PDE3A: variants seen among roughly 807,000 people sequenced by gnomAD.
PDE3A encodes the protein cGMP-inhibited 3',5'-cyclic phosphodiesterase 3A.
PDE3A carries 43 observed loss-of-function variants against 98.3 expected under a neutral mutation model. The ratio of observed to expected loss-of-function variants is 0.44; its 90% confidence interval spans 0.34 to 0.56. The LOEUF (loss-of-function observed/expected upper bound fraction) is 0.56. PDE3A is among the 20% of genes least tolerant of loss of function. The pLI, the probability that PDE3A is intolerant of heterozygous loss-of-function variation, is 0.01. For synonymous variants in PDE3A, 663 were observed against 567.9 expected (o/e 1.17, Z -2.38); for missense variants, 1,427 against 1,440.7 (o/e 0.99, Z 0.15).
At chr12:20,390,690 C>A (rs184617071) in intron 1 of PDE3A, among the ~76,000 whole-genome samples, 54 of 151,930 alleles carry the variant, frequency 3.6e-4, no homozygotes, top group African/African-American at 1.2e-3. Flanking sequence ...GTTACTTTTG[C>A]AACCTCATGT....
At position 20,626,126 on chromosome 12, in the gene PDE3A, A is replaced by G. The variant is rs1005522906; in HGVS notation, c.1541-3782A>G. 1.3e-5 allele frequency among the ~76,000 whole-genome samples: 2 copies of G among 151,790 alleles called. 1 individual carries two copies. Among genetic ancestry groups the G allele is most frequent in the African/African-American group, 4.9e-5 (2 of 41,122 alleles). On this transcript the variant is annotated intron_variant, in intron 5 of 15. Transcript: ENST00000359062. ...CTTTAGACATGATTACATTGAAAGCATTTTAGAAAATTTTAAAAACTTCCA... is the reference window on the plus strand; with the variant it reads ...CTTTAGACATGATTACATTGAAAGCGTTTTAGAAAATTTTAAAAACTTCCA...
intron 1 of PDE3A, among the ~76,000 whole-genome samples, chr12:20,521,508 G>A (rs1946427050): frequency 6.6e-6 from 1 of 152,094 alleles, no homozygotes; most frequent in African/African-American, 2.4e-5. Flanking sequence ...GATTGGTAAT[G>A]CCCAGATTTC....
At chr12:20,409,538 G>A (rs1944295999) in intron 1 of PDE3A, among the ~76,000 whole-genome samples, 2 of 152,154 alleles carry the variant, frequency 1.3e-5, no homozygotes, top group Admixed American at 1.3e-4. Flanking sequence ...GAAGAAAGTA[G>A]TTGTCTTTGC....
At chr12:20,604,771 T>G (rs1943672068) in intron 2 of PDE3A, among the ~76,000 whole-genome samples, 1 of 152,156 alleles carries the variant, frequency 6.6e-6, no homozygotes, top group Non-Finnish European at 1.5e-5. Flanking sequence ...GTATGCAGGT[T>G]TTTGCACATC....
intron 2 of PDE3A, among the ~76,000 whole-genome samples, chr12:20,583,031 G>T (rs1342321903): frequency 6.6e-6 from 1 of 151,952 alleles, no homozygotes; most frequent in Non-Finnish European, 1.5e-5. Flanking sequence ...TCCCCCAATT[G>T]TCTGATGTCT....
At chr12:20,606,882 T>G (rs1173065123) in intron 2 of PDE3A, among the ~76,000 whole-genome samples, 1 of 151,520 alleles carries the variant, frequency 6.6e-6, no homozygotes, top group Non-Finnish European at 1.5e-5. Context: ...TAAAACAAAT[T>G]TTCTGTAATT....
chr12:20,368,695 T>C lies in PDE3A; in HGVS notation c.-590T>C, dbSNP rs1294721395. The stretch of plus-strand genomic sequence containing the variant: ...CCCCAGGGAATGGCGATTCGCGTCC[T>C]GGGGCCGTGCCGGGGAGAATCGGCC... On this transcript the variant is annotated 5_prime_UTR_variant, in exon 1 of 16. Coordinates refer to ENST00000359062, the MANE Select transcript of PDE3A (RefSeq NM_000921.5). Among the ~76,000 whole-genome samples, 2 of 151,984 alleles carry C rather than the reference T, an allele frequency of 1.3e-5. No homozygotes were observed. Among genetic ancestry groups the C allele is most frequent in the East Asian group, 3.9e-4 (2 of 5,124 alleles).
intron 1 of PDE3A, among the ~76,000 whole-genome samples, chr12:20,379,142 T>C (rs1264245494): frequency 6.6e-6 from 1 of 151,874 alleles, no homozygotes; most frequent in African/African-American, 2.4e-5. Context: ...TAATGGAAGT[T>C]TGAAGTCATA....
intron 2 of PDE3A, among the ~76,000 whole-genome samples, chr12:20,590,131 A>G (rs1943301488): frequency 1.3e-5 from 2 of 152,046 alleles, no homozygotes; most frequent in Admixed American, 1.3e-4. Context: ...TACTCTTACT[A>G]TCCCGTGCTC....
chr12:20,445,432 T>C (rs1345689777), intron 1 of PDE3A, among the ~76,000 whole-genome samples: 1 of 152,236 alleles, frequency 6.6e-6, no homozygotes, highest in African/African-American at 2.4e-5. Context: ...AAATACTTTC[T>C]TAACCCTGAA....
At chr12:20,593,394 G>A (rs916312703) in intron 2 of PDE3A, among the ~76,000 whole-genome samples, 5 of 152,068 alleles carry the variant, frequency 3.3e-5, no homozygotes, top group Admixed American at 6.6e-5. Context: ...CTAACTTCGC[G>A]GAGCCCTGAA....
chr12:20,584,564 T>G (rs1158254099), intron 2 of PDE3A, among the ~76,000 whole-genome samples: 1 of 152,180 alleles, frequency 6.6e-6, no homozygotes. Flanking sequence ...GAACGCCAGA[T>G]TCTTGATTAA....
intron 1 of PDE3A, among the ~76,000 whole-genome samples, chr12:20,448,751 GGTT>G (rs1471786890): frequency 1.5e-5 from 2 of 134,328 alleles, no homozygotes; most frequent in Non-Finnish European, 3.2e-5. Context: ...TTTATTTTAA[GGTT>G]TTTTTTTTTT....
chr12:20,390,621 T>G (rs2120605300), intron 1 of PDE3A, among the ~76,000 whole-genome samples: 1 of 152,008 alleles, frequency 6.6e-6, no homozygotes, highest in African/African-American at 2.4e-5. Context: ...TTTTGTTTAT[T>G]TTAGTTTCGG....
intron 1 of PDE3A, among the ~76,000 whole-genome samples, chr12:20,535,237 T>A (rs1941718222): frequency 6.6e-6 from 1 of 152,214 alleles, no homozygotes; most frequent in East Asian, 1.9e-4. Context: ...TTTCTCCTCA[T>A]CCCTGGTAAT....
At chr12:20,521,339 G>A (rs964920204) in intron 1 of PDE3A, among the ~76,000 whole-genome samples, 4 of 152,088 alleles carry the variant, frequency 2.6e-5, no homozygotes, top group African/African-American at 9.7e-5. Flanking sequence ...TGAATAATAA[G>A]AGATTTTTTT....
chr12:20,526,884 CTGTGTGTGTGTGTGTGTGTGTG>C (rs71039949), intron 1 of PDE3A, among the ~76,000 whole-genome samples: 1 of 136,930 alleles, frequency 7.3e-6, no homozygotes, highest in Admixed American at 7.4e-5. Flanking sequence ...ACATTTTTTT[CTGTGTGTGTGTGTGTGTGTGTG>C]TGTGTGTGTG....
rs190813657 is a variant in PDE3A, at chr12:20,584,751, T to G, written c.1011+28041T>G. ...AAGATAAGGCCTGTTCTGTAAAAAGTATCCATCTCAAGTGTGCCGTTAATA... is the reference window on the plus strand; with the variant it reads ...AAGATAAGGCCTGTTCTGTAAAAAGGATCCATCTCAAGTGTGCCGTTAATA... On this transcript the variant is annotated intron_variant, in intron 2 of 15. Coordinates refer to ENST00000359062, the MANE Select transcript of PDE3A (RefSeq NM_000921.5). Among the ~76,000 whole-genome samples, 8 of 152,260 alleles carry G rather than the reference T, an allele frequency of 5.3e-5. No homozygotes were observed. The East Asian group carries it at 1.5e-3, about 29-fold the overall frequency.
At chr12:20,613,397 G>T in intron 2 of PDE3A, 46 bp from the exon 3 acceptor site, 1 of 1,596,056 alleles carries the variant, frequency 6.3e-7, no homozygotes, top group South Asian at 1.1e-5. Context: ...TGTGCCTTCA[G>T]ATTCAGGCCT....
Sources: gnomAD v4.1 joint callset for allele counts (sites outside exome capture counted in the v4.1 genomes callset) on GRCh38, gnomAD v4.1.1 for gene constraint, MANE v1.5 for transcripts, NCBI Gene and HGNC (gene_info 2026-07-23, HGNC 2026-07-21) for gene names.